PARP16: variants seen among roughly 807,000 people sequenced by gnomAD.
PARP16 encodes protein mono-ADP-ribosyltransferase PARP16.
In PARP16, 31 loss-of-function variants were observed where a neutral mutation model predicts 35.0. The observed-to-expected ratio is 0.88, with a 90% CI of 0.66 to 1.19. The LOEUF (loss-of-function observed/expected upper bound fraction) is 1.19, where lower values mean the gene tolerates loss of function less well. Ranked by LOEUF, PARP16 falls within the 50% of genes most tolerant of loss-of-function variation. The probability of loss-of-function intolerance (pLI) is 0.00; values close to 1 mark genes in which losing one functional copy is unlikely to be tolerated. For missense variants in PARP16, 424 were observed against 411.2 expected, an observed-to-expected ratio of 1.03 and a Z score of -0.27; for synonymous variants, 162 against 169.5, an observed-to-expected ratio of 0.96 and a Z score of 0.34.
intron 2 of PARP16, among the ~76,000 whole-genome samples, chr15:65,269,424 C>T (rs2090023854): frequency 6.6e-6 from 1 of 152,046 alleles, no homozygotes; most frequent in African/African-American, 2.4e-5. Flanking sequence ...TCTCAAACTC[C>T]TGACCTCATG....
intron 1 of PARP16, among the ~76,000 whole-genome samples, chr15:65,277,888 A>C (rs1359399325): frequency 1.3e-5 from 2 of 152,236 alleles, no homozygotes; most frequent in African/African-American, 4.8e-5. Flanking sequence ...AGATGTATGT[A>C]ATATGCAGTA....
At chr15:65,248,358 A>G (rs1449300110) in intron 2 of PARP16, 3 of 447,240 alleles carry the variant, frequency 6.7e-6, no homozygotes, top group Middle Eastern at 1.1e-3. Context: ...GCTCACTGAC[A>G]TATTATTTAC....
chr15:65,257,427 C>T (rs757345660), downstream of PARP16, among the ~76,000 whole-genome samples: 23 of 149,802 alleles, frequency 1.5e-4, no homozygotes, highest in Non-Finnish European at 3.3e-4. Context: ...GAGCGAGACT[C>T]CAGCTCAAAA....
downstream of PARP16, among the ~76,000 whole-genome samples, chr15:65,255,472 T>G (rs1169871202): frequency 6.6e-6 from 1 of 152,010 alleles, no homozygotes; most frequent in Non-Finnish European, 1.5e-5. Context: ...AAGGCAAAAG[T>G]GCCCAGGGCC....
In PARP16 at chr15:65,259,406, A is replaced by G; in HGVS notation, c.*1T>C. 3 of 1,614,178 alleles carry G rather than the reference A, an allele frequency of 1.9e-6. No individual in the cohort carries two copies. In the African/African-American group the frequency reaches 4.0e-5, roughly 22 times the overall value. On this transcript the variant is annotated 3_prime_UTR_variant, in exon 6 of 6. Transcript: ENST00000649807. ...TAGCCCCCACACCAGGCCCAGAAAG[A>G]TTATCTTTTCGCACGATTCCAAAAG...
chr15:65,248,935 A>G (rs1243630186), intron 2 of PARP16, among the ~76,000 whole-genome samples: 2 of 152,160 alleles, frequency 1.3e-5, no homozygotes, highest in Admixed American at 6.5e-5. Flanking sequence ...TGGACGCTGG[A>G]TGGTGGCAGA....
chr15:65,265,736 C>T (rs922836853), intron 3 of PARP16, among the ~76,000 whole-genome samples: 1 of 152,106 alleles, frequency 6.6e-6, no homozygotes, highest in Non-Finnish European at 1.5e-5. Flanking sequence ...GCCTGAGATT[C>T]GCATTTCCAG....
chr15:65,248,656 T>C (rs979560241), intron 2 of PARP16, among the ~76,000 whole-genome samples: 2 of 152,162 alleles, frequency 1.3e-5, no homozygotes, highest in African/African-American at 4.8e-5. Flanking sequence ...CAAAACAGAC[T>C]GGGAGTGAGA....
Position 65,263,247 on chromosome 15 carries a change from T to C in PARP16, c.593A>G (p.His198Arg). The C allele has an allele frequency of 6.2e-7, 1 of 1,614,048 alleles. No homozygotes were observed. ...GCCGAGGAGGCTGTGCTGCCACCCA[T>C]GGCCATGGGGGCTGTATATGAGGGC... Reference protein sequence around the residue: ...SLALIYSPHGHGWQHSLLGPI... With the variant: ...SLALIYSPHGRGWQHSLLGPI... The change falls in exon 4 of 6, where the codon CAT (histidine) becomes CGT (arginine). Residue 198 changes from histidine (H) to arginine (R), a missense_variant. His to Arg is a conservative substitution (Grantham distance 29). Coordinates refer to ENST00000649807, the MANE Select transcript of PARP16 (RefSeq NM_001316943.2).
intron 3 of PARP16, among the ~76,000 whole-genome samples, chr15:65,238,724 GT>G (rs1428122016): frequency 1.3e-5 from 2 of 152,216 alleles, no homozygotes; most frequent in Admixed American, 1.3e-4. Context: ...TCAGGTTGCA[GT>G]TTTTTGAATA....
chr15:65,284,885 A>G (rs111444227), intron 1 of PARP16, among the ~76,000 whole-genome samples: 2,739 of 128,192 alleles, frequency 0.021, 46 homozygotes, highest in African/African-American at 0.043. Context: ...TGGTGTGATT[A>G]CAGCTCATTG....
In PARP16 at chr15:65,259,207, G is replaced by T. The variant is rs1373280272; in HGVS notation, c.*200C>A. The T allele has an allele frequency of 1.4e-5, 9 of 628,658 alleles. No individual in the cohort carries two copies. Among genetic ancestry groups the T allele is most frequent in the Non-Finnish European group, 2.3e-5 (8 of 348,588 alleles). 38.9% of individuals were successfully genotyped at this position (628,658 alleles called of 1,614,324 possible). A position where few individuals can be genotyped will look rare whatever the true frequency, so the allele number is the denominator to read the frequency against. ...ACTCCCCTAAAACCTAAGAGTGAGG[G>T]ACTAGTAGTCCCCGTTGACTGGAGT... On this transcript the variant is annotated 3_prime_UTR_variant, in exon 6 of 6. Coordinates refer to ENST00000649807, the MANE Select transcript of PARP16 (RefSeq NM_001316943.2).
chr15:65,236,884 A>G (rs1457241940), intron 3 of PARP16, among the ~76,000 whole-genome samples: 1 of 151,532 alleles, frequency 6.6e-6, no homozygotes, highest in Non-Finnish European at 1.5e-5. Context: ...AGGCAGGAGA[A>G]TCACTTGAAC....
intron 3 of PARP16, among the ~76,000 whole-genome samples, chr15:65,239,029 G>T (rs981085483): frequency 6.6e-6 from 1 of 152,112 alleles, no homozygotes; most frequent in Non-Finnish European, 1.5e-5. Flanking sequence ...TACTTGGGAG[G>T]CTGAGGCAGG....
downstream of PARP16, among the ~76,000 whole-genome samples, chr15:65,257,552 C>T (rs1250955774): frequency 6.6e-6 from 1 of 150,420 alleles, no homozygotes; most frequent in Non-Finnish European, 1.5e-5. Flanking sequence ...ACTGCTTGAA[C>T]CCGGGAGGCA....
intron 2 of PARP16, among the ~76,000 whole-genome samples, chr15:65,249,617 C>T (rs1401254871): frequency 6.6e-6 from 1 of 152,236 alleles, no homozygotes; most frequent in Non-Finnish European, 1.5e-5. Context: ...CTGCTGAGCC[C>T]AGCTGGCCAG....
chr15:65,260,566 G>A (rs1326999893), intron 5 of PARP16, among the ~76,000 whole-genome samples: 2 of 152,152 alleles, frequency 1.3e-5, no homozygotes, highest in East Asian at 3.9e-4. Flanking sequence ...TAACCTCATC[G>A]GTGGGTCTCA....
chr15:65,254,132 T>G (rs141266502), downstream of PARP16, among the ~76,000 whole-genome samples: 34 of 152,348 alleles, frequency 2.2e-4, no homozygotes, highest in East Asian at 5.8e-3. Context: ...TTTCCAGATT[T>G]TTAACACAAG....
downstream of PARP16, among the ~76,000 whole-genome samples, chr15:65,257,732 G>A (rs770400996): frequency 1.3e-5 from 2 of 151,412 alleles, no homozygotes; most frequent in South Asian, 2.1e-4. Context: ...AGTATTTTCT[G>A]ACCCTAGACC....
Sources: allele counts gnomAD v4.1 joint callset (sites outside exome capture counted in the v4.1 genomes callset), GRCh38; gene constraint gnomAD v4.1.1; transcripts MANE v1.5; gene names NCBI Gene and HGNC (gene_info 2026-07-23, HGNC 2026-07-21).